NLGN4X: variants seen among roughly 807,000 people sequenced by gnomAD.
NLGN4X encodes the protein neuroligin 4 X-linked.
Under a neutral mutation model 40.3 loss-of-function variants are expected in NLGN4X, and 3 were observed. The observed-to-expected ratio is 0.07, with a 90% CI of 0.03 to 0.19. The LOEUF (loss-of-function observed/expected upper bound fraction) is 0.19. NLGN4X is among the 10% of genes least tolerant of loss of function. The pLI, the probability that NLGN4X is intolerant of heterozygous loss-of-function variation, is 1.00. For synonymous variants in NLGN4X, 270 were observed against 306.8 expected, an observed-to-expected ratio of 0.88 and a Z score of 1.25; for missense variants, 382 against 708.3, an observed-to-expected ratio of 0.54 and a Z score of 5.23.
At chrX:6,182,824 A>G (rs902769473) in intron 1 of NLGN4X, among the ~76,000 whole-genome samples, 1 of 112,134 alleles carries the variant, frequency 8.9e-6, no homozygotes, top group Non-Finnish European at 1.9e-5. Flanking sequence ...CCCTGCTGAC[A>G]CTAAGATTGT....
At chrX:6,124,885 C>G (rs768827272) in intron 2 of NLGN4X, among the ~76,000 whole-genome samples, 1 of 112,511 alleles carries the variant, frequency 8.9e-6, no homozygotes, top group East Asian at 2.8e-4. Flanking sequence ...TTTACAAAAT[C>G]TGCCTTTCAT....
At chrX:6,068,171 C>T (rs2037971301) in intron 2 of NLGN4X, among the ~76,000 whole-genome samples, 2 of 111,621 alleles carry the variant, frequency 1.8e-5, no homozygotes, top group Admixed American at 1.9e-4. Context: ...ATTGATTTTA[C>T]CAGACAAGAA....
chrX:5,902,736 C>T (rs1442096508), intron 5 of NLGN4X, among the ~76,000 whole-genome samples: 1 of 112,251 alleles, frequency 8.9e-6, no homozygotes, highest in East Asian at 2.8e-4. Context: ...CAGCTGTTAA[C>T]AGAACCATCA....
intron 3 of NLGN4X, among the ~76,000 whole-genome samples, chrX:6,005,683 A>G (rs2036086247): frequency 9.0e-6 from 1 of 111,552 alleles, no homozygotes; most frequent in Non-Finnish European, 1.9e-5. Context: ...ATCTGCCTAA[A>G]GTCTGGACCC....
chrX:6,065,809 C>T (rs2037899327), intron 2 of NLGN4X, among the ~76,000 whole-genome samples: 1 of 111,163 alleles, frequency 9.0e-6, no homozygotes, highest in African/African-American at 3.3e-5. Flanking sequence ...TTCCTTCTGC[C>T]TATCTTGATA....
In NLGN4X at chrX:6,200,687, C is replaced by CT. The variant is rs767226691; in HGVS notation, c.-306+27853dup. Among the ~76,000 whole-genome samples the CT allele has an allele frequency of 3.6e-3, 202 of 55,538 alleles. 2 individuals are homozygous for CT. Among genetic ancestry groups the CT allele is most frequent in the South Asian group, 0.022 (25 of 1,130 alleles). The allele number at this position is 55,538 out of a possible 115,157, so 48.2% of individuals were successfully genotyped here. ...ATGCTTAATTTATTCCTTTCCTTTT[C>CT]TTTTTTTTTTTTTTTTTTTTACAAG... On this transcript the variant is annotated intron_variant, in intron 1 of 5. Transcript: ENST00000381095.
At chrX:6,065,342 A>G (rs1169658496) in intron 2 of NLGN4X, among the ~76,000 whole-genome samples, 13 of 80,673 alleles carry the variant, frequency 1.6e-4, no homozygotes, top group African/African-American at 5.4e-4. Context: ...AGTATTGGCT[A>G]AGTGTCACTC....
intron 2 of NLGN4X, among the ~76,000 whole-genome samples, chrX:6,067,270 A>G (rs185716607): frequency 4.8e-4 from 53 of 111,544 alleles, no homozygotes; most frequent in African/African-American, 1.7e-3. Context: ...CACTGCCTGT[A>G]AGGGATCTTG....
intron 3 of NLGN4X, among the ~76,000 whole-genome samples, chrX:5,981,656 G>C (rs934421744): frequency 9.0e-6 from 1 of 110,537 alleles, no homozygotes; most frequent in Non-Finnish European, 1.9e-5. Flanking sequence ...TTTTAATTTT[G>C]TCTTAAAATC....
At chrX:6,082,034 A>G (rs923911209) in intron 2 of NLGN4X, among the ~76,000 whole-genome samples, 2 of 112,382 alleles carry the variant, frequency 1.8e-5, no homozygotes, top group African/African-American at 3.2e-5. Context: ...CACTTAAAAC[A>G]CATGCAATAA....
Position 6,138,091 on chromosome X carries a change from T to C in NLGN4X, c.472+12904A>G, listed in dbSNP as rs771433331. On this transcript the variant is annotated intron_variant, in intron 2 of 5. Transcript: ENST00000381095. ...AATGGCTTTGCCTTGCTGTATATGC[T>C]GACATTTTGTCATAGGAAGTGGAGG... Among the ~76,000 whole-genome samples the C allele has an allele frequency of 8.0e-4, 90 of 112,223 alleles. 1 individual carries two copies. Among genetic ancestry groups the C allele is most frequent in the Non-Finnish European group, 1.4e-3 (77 of 53,328 alleles).
At chrX:6,160,926 T>C (rs1185398621) in intron 1 of NLGN4X, among the ~76,000 whole-genome samples, 1 of 101,796 alleles carries the variant, frequency 9.8e-6, no homozygotes, top group African/African-American at 3.5e-5. Context: ...AAAAAACATA[T>C]ATATTACAAA....
At chrX:6,074,077 C>T in intron 2 of NLGN4X, among the ~76,000 whole-genome samples, 1 of 110,718 alleles carries the variant, frequency 9.0e-6, no homozygotes, top group Non-Finnish European at 1.9e-5. Flanking sequence ...TCACAAGACC[C>T]CCCCAAAGTT....
intron 1 of NLGN4X, among the ~76,000 whole-genome samples, chrX:6,201,452 C>T (rs1004505580): frequency 4.5e-5 from 5 of 111,432 alleles, no homozygotes; most frequent in South Asian, 3.7e-4. Flanking sequence ...GAATTTTGAA[C>T]GAGATAGTAG....
chrX:6,033,141 C>T (rs1658697112), intron 2 of NLGN4X, among the ~76,000 whole-genome samples: 1 of 111,576 alleles, frequency 9.0e-6, no homozygotes, highest in African/African-American at 3.2e-5. Context: ...ATGGCGTATT[C>T]AATGGTCCTC....
chrX:6,037,243 T>G (rs983431481), intron 2 of NLGN4X, among the ~76,000 whole-genome samples: 1 of 108,638 alleles, frequency 9.2e-6, no homozygotes, highest in Non-Finnish European at 1.9e-5. Context: ...GAGGTGGAGG[T>G]TGCAGTGAGC....
At chrX:5,912,379 C>A (rs771663405) in intron 3 of NLGN4X, among the ~76,000 whole-genome samples, 7 of 111,299 alleles carry the variant, frequency 6.3e-5, no homozygotes, top group Non-Finnish European at 1.1e-4. Context: ...CCCCTGTCTG[C>A]CAAAGTATTC....
chrX:6,138,019 T>C (rs35617488), intron 2 of NLGN4X, among the ~76,000 whole-genome samples: 36,140 of 110,773 alleles, frequency 0.33, 4,537 homozygotes, highest in African/African-American at 0.43. Context: ...TGGCTGGTGA[T>C]TGTTGTGCAT....
intron 2 of NLGN4X, among the ~76,000 whole-genome samples, chrX:6,064,950 A>T (rs777240813): frequency 9.0e-6 from 1 of 111,510 alleles, no homozygotes; most frequent in African/African-American, 3.3e-5. Flanking sequence ...GAACAAAATC[A>T]TGTTCTTTGA....
Sources: allele counts gnomAD v4.1 joint callset (sites outside exome capture counted in the v4.1 genomes callset), GRCh38; gene constraint gnomAD v4.1.1; transcripts MANE v1.5; gene names NCBI Gene and HGNC (gene_info 2026-07-23, HGNC 2026-07-21).